The following AFF2 variants were observed in gnomAD, a reference collection of about 807,000 sequenced individuals.
AFF2 encodes the protein AF4/FMR2 family member 2.
In AFF2, 14 loss-of-function variants were observed where a neutral mutation model predicts 76.9. The ratio of observed to expected loss-of-function variants is 0.18; its 90% CI spans 0.12 to 0.28. The LOEUF is 0.28. AFF2 is among the 10% of genes least tolerant of loss of function. The pLI is 1.00. For synonymous variants in AFF2, 398 were observed against 366.7 expected (o/e 1.09, Z -0.98); for missense variants, 868 against 1,001.1 (o/e 0.87, Z 1.79).
At chrX:148,834,505 A>ATGTGTGTGTGTGTGTG (rs61709112) in intron 4 of AFF2, among the ~76,000 whole-genome samples, 4 of 91,707 alleles carry the variant, frequency 4.4e-5, no homozygotes, top group African/African-American at 1.6e-4. Flanking sequence ...CCAGTCTCAG[A>ATGTGTGTGTGTGTGTG]TGTGTGTGTG....
chrX:148,627,876 G>A (rs1452108770), intron 1 of AFF2, among the ~76,000 whole-genome samples: 6 of 111,955 alleles, frequency 5.4e-5, no homozygotes, highest in African/African-American at 2.0e-4. Context: ...AGATTTCAGG[G>A]CTTGAGTTCA....
intron 15 of AFF2, among the ~76,000 whole-genome samples, chrX:148,971,747 C>CTTTTTTTTTTTTTTTTTTTTTTATTTT (rs2072258647): frequency 2.0e-4 from 9 of 44,722 alleles, no homozygotes; most frequent in African/African-American, 6.6e-4. Flanking sequence ...TTTTCTATTT[C>CTTTTTTTTTTTTTTTTTTTTTTATTTT]TTTTTTTTTT....
chrX:148,911,706 G>A (rs2071471211), intron 9 of AFF2, among the ~76,000 whole-genome samples: 1 of 112,026 alleles, frequency 8.9e-6, no homozygotes, highest in Admixed American at 9.5e-5. Context: ...ACAATAAAGT[G>A]GCTTCATTCC....
intron 8 of AFF2, among the ~76,000 whole-genome samples, chrX:148,894,000 G>A (rs974620415): frequency 9.0e-6 from 1 of 111,219 alleles, no homozygotes; most frequent in East Asian, 2.8e-4. Context: ...ATCCCAATTA[G>A]GGTCCTAATC....
chrX:148,578,425 C>G (rs1557243824), intron 1 of AFF2, among the ~76,000 whole-genome samples: 1 of 111,606 alleles, frequency 9.0e-6, no homozygotes, highest in Non-Finnish European at 1.9e-5. Context: ...CAGTCTGAAC[C>G]AAGTGCCCCA....
At chrX:148,838,496 A>G (rs73607919) in intron 5 of AFF2, among the ~76,000 whole-genome samples, 1,289 of 111,460 alleles carry the variant, frequency 0.012, 15 homozygotes, top group African/African-American at 0.04. Flanking sequence ...CGTATCTAAC[A>G]CTCCCCTGGG....
At chrX:148,731,353 C>T (rs1557264645) in intron 3 of AFF2, among the ~76,000 whole-genome samples, 3 of 111,744 alleles carry the variant, frequency 2.7e-5, no homozygotes, top group Admixed American at 9.5e-5. Context: ...GGGGCTGGCC[C>T]TCACTTGATA....
At position 148,987,691 on chromosome X, in the gene AFF2, C is replaced by T; in HGVS notation, c.3814+134C>T. 14 of 568,469 alleles carry T rather than the reference C, an allele frequency of 2.5e-5. No individual in the cohort carries two copies. In the South Asian group the frequency reaches 5.1e-4, roughly 21 times the overall value. The allele number at this position is 568,469 out of a possible 1,213,427, so 46.8% of individuals were successfully genotyped here. On this transcript the variant is annotated intron_variant, in intron 20 of 20. Coordinates refer to ENST00000370460, the MANE Select transcript of AFF2 (RefSeq NM_002025.4). Reference sequence around the variant, plus strand: ...TTTCCAGAACTTAGATAAGGGAAGACAGAGTTCGCTCAGGGCTGACACAGT... The same window carrying T: ...TTTCCAGAACTTAGATAAGGGAAGATAGAGTTCGCTCAGGGCTGACACAGT...
At chrX:148,501,685 A>G (rs1237728775) in intron 1 of AFF2, among the ~76,000 whole-genome samples, 2 of 113,298 alleles carry the variant, frequency 1.8e-5, no homozygotes, top group African/African-American at 3.2e-5. Context: ...ACTCAGCCCA[A>G]GTTCCCTGCA....
At chrX:148,967,457 T>C (rs1366865043) in intron 14 of AFF2, among the ~76,000 whole-genome samples, 172 bp from the exon 15 acceptor site, 1 of 112,235 alleles carries the variant, frequency 8.9e-6, no homozygotes, top group African/African-American at 3.2e-5. Flanking sequence ...GTACTTCAGA[T>C]TTCATTTACA....
At chrX:148,698,667 T>C (rs2054749962) in intron 3 of AFF2, among the ~76,000 whole-genome samples, 1 of 112,220 alleles carries the variant, frequency 8.9e-6, no homozygotes, top group African/African-American at 3.2e-5. Context: ...TCTGAATAGA[T>C]AATAATGTGA....
Position 148,999,749 on chromosome X carries a change from T to C in AFF2, c.*8417T>C, listed in dbSNP as rs1260811667. ...TACATTACTATATGAAGGCAGTGAT[T>C]TGAAATGAAAATTCCTTTCCTCTTG... On this transcript the variant is annotated 3_prime_UTR_variant, in exon 21 of 21. Transcript: ENST00000370460. The C allele has an allele frequency of 8.9e-6, 1 of 112,884 alleles. No homozygotes were observed. Among genetic ancestry groups the C allele is most frequent in the Admixed American group, 9.3e-5 (1 of 10,744 alleles). 9.3% of individuals were successfully genotyped at this position (112,884 alleles called of 1,213,427 possible).
At chrX:148,831,847 G>C (rs868922093) in intron 4 of AFF2, among the ~76,000 whole-genome samples, 1 of 111,405 alleles carries the variant, frequency 9.0e-6, no homozygotes, top group South Asian at 3.8e-4. Flanking sequence ...GGATACAAAG[G>C]GTCTAAATCA....
intron 3 of AFF2, among the ~76,000 whole-genome samples, chrX:148,736,593 T>C (rs2055287857): frequency 8.9e-6 from 1 of 111,834 alleles, no homozygotes; most frequent in South Asian, 3.7e-4. Flanking sequence ...ACTGTTCCTT[T>C]TGCCATGCAA....
At chrX:148,730,175 C>T (rs2055204382) in intron 3 of AFF2, among the ~76,000 whole-genome samples, 1 of 112,120 alleles carries the variant, frequency 8.9e-6, no homozygotes, top group African/African-American at 3.2e-5. Flanking sequence ...TGCAAATCCT[C>T]TCTGATTTAA....
Position 148,995,813 on chromosome X carries a change from G to A in AFF2, c.*4481G>A, listed in dbSNP as rs1317702104. Reference sequence around the variant, plus strand: ...GAAGGGGGAAGTGAAGGAAGCCTACGTCCAGGCCCCTGACAGGATGCTGCA... The same window carrying A: ...GAAGGGGGAAGTGAAGGAAGCCTACATCCAGGCCCCTGACAGGATGCTGCA... On this transcript the variant is annotated 3_prime_UTR_variant, in exon 21 of 21. Coordinates refer to ENST00000370460, the MANE Select transcript of AFF2 (RefSeq NM_002025.4). The A allele has an allele frequency of 2.7e-5, 3 of 112,793 alleles. No individual in the cohort carries two copies. The highest frequency in any genetic ancestry group is 2.8e-4 in the East Asian group (1 of 3,558). The allele number at this position is 112,793 out of a possible 1,213,427, so 9.3% of individuals were successfully genotyped here.
rs959514157 is a variant in AFF2, at chrX:148,926,507, G to A, written c.1397+22249G>A. Among the ~76,000 whole-genome samples the A allele has an allele frequency of 2.5e-4, 28 of 111,767 alleles. No homozygotes were observed. The Admixed American group carries it at 2.6e-3, about 11-fold the overall frequency. ...GGAGGGAGAGTCTCCCTCCACTCTAGTCATTACTCTTGTTGGGGATCTGTG... is the reference window on the plus strand; with the variant it reads ...GGAGGGAGAGTCTCCCTCCACTCTAATCATTACTCTTGTTGGGGATCTGTG... On this transcript the variant is annotated intron_variant, in intron 9 of 20. Coordinates refer to ENST00000370460, the MANE Select transcript of AFF2 (RefSeq NM_002025.4).
At chrX:148,603,415 T>C (rs1648312684) in intron 1 of AFF2, among the ~76,000 whole-genome samples, 1 of 107,014 alleles carries the variant, frequency 9.3e-6, no homozygotes, top group Non-Finnish European at 1.9e-5. Flanking sequence ...AATAACAGAC[T>C]GGCTAGATAT....
At chrX:148,627,716 C>A (rs1557252306) in intron 1 of AFF2, among the ~76,000 whole-genome samples, 1 of 111,612 alleles carries the variant, frequency 9.0e-6, no homozygotes, top group Non-Finnish European at 1.9e-5. Context: ...AAAGATGATG[C>A]CCATATGTCA....
Sources: gnomAD v4.1 joint callset for allele counts (sites outside exome capture counted in the v4.1 genomes callset) on GRCh38, gnomAD v4.1.1 for gene constraint, MANE v1.5 for transcripts, NCBI Gene and HGNC (gene_info 2026-07-23, HGNC 2026-07-21) for gene names.